The following MACIR variants were observed in gnomAD, a reference collection of about 807,000 sequenced individuals.
The protein encoded by MACIR is UNC119-binding protein C5orf30.
Under a neutral mutation model 14.3 loss-of-function variants are expected in MACIR, and 4 were observed. That is an observed-to-expected ratio of 0.28 (90% CI 0.14 to 0.64). The LOEUF is 0.64. Ranked by LOEUF, MACIR falls within the 30% of genes least tolerant of loss-of-function variation. The pLI is 0.83. For missense variants in MACIR, 228 were observed against 257.6 expected, an observed-to-expected ratio of 0.89 and a Z score of 0.79; for synonymous variants, 101 against 102.4, an observed-to-expected ratio of 0.99 and a Z score of 0.08.
rs750436475 is a variant in MACIR at position 103,265,996 on chromosome 5, T to C, written c.-25T>C. ...CAGTGACATCTTCTGGGATTTAGTC[T>C]GGTAAGTTATATTTTGCTTTTTCCG... On this transcript the variant is annotated splice_region_variant and 5_prime_UTR_variant, in exon 2 of 3. Coordinates refer to ENST00000319933, the MANE Select transcript of MACIR (RefSeq NM_033211.4). 2.3e-4 allele frequency: 35 copies of C among 152,270 alleles called. No individual in the cohort carries two copies. Among genetic ancestry groups the C allele is most frequent in the Non-Finnish European group, 4.1e-4 (28 of 67,986 alleles). 9.4% of individuals were successfully genotyped at this position (152,270 alleles called of 1,614,324 possible).
At chr5:103,274,586 G>A (rs935010551) in intron 2 of MACIR, among the ~76,000 whole-genome samples, 4 of 151,110 alleles carry the variant, frequency 2.6e-5, no homozygotes, top group African/African-American at 9.7e-5. Context: ...AGGACAGCGT[G>A]GTATCTGGTA....
intron 1 of MACIR, among the ~76,000 whole-genome samples, chr5:103,261,565 T>G (rs1327758441): frequency 1.3e-5 from 2 of 151,894 alleles, no homozygotes; most frequent in Non-Finnish European, 1.5e-5. Context: ...AAAATTGATG[T>G]TTTTTTTCCA....
intron 2 of MACIR, among the ~76,000 whole-genome samples, chr5:103,266,619 A>G (rs1209464511): frequency 6.6e-6 from 1 of 152,126 alleles, no homozygotes; most frequent in Admixed American, 6.6e-5. Flanking sequence ...TTTGAAGGGA[A>G]AAAAGAAATT....
chr5:103,275,999 G>T lies in MACIR; in HGVS notation c.80G>T (p.Gly27Val). The change falls in exon 3 of 3, where the codon GGA (glycine) becomes GTA (valine). Residue 27 changes from glycine to valine, a missense_variant. Coordinates refer to ENST00000319933, the MANE Select transcript of MACIR (RefSeq NM_033211.4). Reference protein sequence around the residue: ...PFPGAEANSPGKAEAEKPRCS... With the variant: ...PFPGAEANSPVKAEAEKPRCS... ...CCTGGGGCTGAGGCCAACTCCCCGG[G>T]AAAGGCGGAGGCAGAGAAGCCCCGC... is the stretch of plus-strand genomic sequence containing the variant. 1 of 1,614,096 alleles carries T rather than the reference G, an allele frequency of 6.2e-7. No homozygotes were observed. Among genetic ancestry groups the T allele is most frequent in the Non-Finnish European group, 8.5e-7 (1 of 1,180,034 alleles).
intron 1 of MACIR, chr5:103,259,404 C>T (rs1554235977): frequency 6.6e-6 from 1 of 152,134 alleles, no homozygotes; most frequent in East Asian, 1.9e-4. Context: ...CGCGTTGGCG[C>T]GCACGCTCGC....
chr5:103,272,376 T>TTTTC (rs1554237189), intron 2 of MACIR, among the ~76,000 whole-genome samples: 19 of 150,914 alleles, frequency 1.3e-4, no homozygotes, highest in Admixed American at 2.0e-4. Context: ...TTTTTTTTTT[T>TTTTC]CCAGAATTCT....
chr5:103,265,282 T>G (rs1332395920), intron 1 of MACIR, among the ~76,000 whole-genome samples: 4 of 152,188 alleles, frequency 2.6e-5, no homozygotes, highest in Admixed American at 2.0e-4. Flanking sequence ...TTTACATTGT[T>G]GCTGCTTTAT....
chr5:103,267,130 A>G (rs1182917248), intron 2 of MACIR, among the ~76,000 whole-genome samples: 1 of 152,188 alleles, frequency 6.6e-6, no homozygotes, highest in East Asian at 1.9e-4. Context: ...GTATATACCT[A>G]TATTTATACA....
At chr5:103,274,943 T>A (rs1805265765) in intron 2 of MACIR, among the ~76,000 whole-genome samples, 1 of 152,190 alleles carries the variant, frequency 6.6e-6, no homozygotes. Flanking sequence ...ATTTGATCTA[T>A]CTGTAGCTTT....
intron 1 of MACIR, among the ~76,000 whole-genome samples, chr5:103,261,642 CTTTCTT>C (rs1804692369): frequency 3.5e-5 from 1 of 28,960 alleles, no homozygotes; most frequent in African/African-American, 1.9e-4. Context: ...TTTTCTTTTT[CTTTCTT>C]TCTTTCTTTC....
chr5:103,274,656 T>A (rs1045638900), intron 2 of MACIR, among the ~76,000 whole-genome samples: 1 of 149,948 alleles, frequency 6.7e-6, no homozygotes, highest in Non-Finnish European at 1.5e-5. Flanking sequence ...AAAGTGCTGT[T>A]TTTTTTTTTT....
Position 103,276,237 on chromosome 5 carries a change from G to T in MACIR, c.318G>T (p.Leu106Phe). The T allele has an allele frequency of 6.2e-7, 1 of 1,613,166 alleles. No homozygotes were observed. The highest frequency in any genetic ancestry group is 8.5e-7 in the Non-Finnish European group (1 of 1,179,854). The change falls in exon 3 of 3, where the codon TTG (leucine) becomes TTT (phenylalanine). Residue 106 changes from leucine to phenylalanine, a missense_variant. Physicochemically the swap from Leu to Phe is conservative, Grantham distance 22. Transcript: ENST00000319933. ...LDAGLARSSRLYKTRSRYYQP... is the reference protein window; with the variant it reads ...LDAGLARSSRFYKTRSRYYQP... The stretch of plus-strand genomic sequence containing the variant: ...CAGGACTTGCCCGTTCCTCTCGTTT[G>T]TATAAAACCAGAAGTAGGTACTACC...
rs925171632 is a variant in MACIR at position 103,276,724 on chromosome 5, G to T, written c.*184G>T. ...AATGAAATCACAGGTACTTGGGGGG[G>T]GGATATCATTCTAGAGCACGCAACT... On this transcript the variant is annotated 3_prime_UTR_variant, in exon 3 of 3. Coordinates refer to ENST00000319933, the MANE Select transcript of MACIR (RefSeq NM_033211.4). 15 of 510,146 alleles carry T rather than the reference G, an allele frequency of 2.9e-5. No individual in the cohort carries two copies. Among genetic ancestry groups the T allele is most frequent in the Admixed American group, 1.1e-4 (3 of 26,944 alleles). The allele number at this position is 510,146 out of a possible 1,614,324, so 31.6% of individuals were successfully genotyped here.
At chr5:103,272,363 C>CTT (rs11450687) in intron 2 of MACIR, among the ~76,000 whole-genome samples, 2,003 of 142,858 alleles carry the variant, frequency 0.014, 24 homozygotes, top group African/African-American at 0.028. Flanking sequence ...TCTTTAGTGT[C>CTT]TTTTTTTTTT....
intron 1 of MACIR, among the ~76,000 whole-genome samples, chr5:103,262,858 G>C (rs1554236416): frequency 6.6e-6 from 1 of 152,112 alleles, no homozygotes; most frequent in African/African-American, 2.4e-5. Context: ...AATTTCACAT[G>C]GATTCCTTTT....
intron 1 of MACIR, among the ~76,000 whole-genome samples, chr5:103,264,657 TTC>T (rs1309297542): frequency 6.6e-6 from 1 of 152,106 alleles, no homozygotes; most frequent in African/African-American, 2.4e-5. Context: ...AAGGGAGTGT[TTC>T]TGTTATCTAC....
chr5:103,259,013 C>A (rs1210023543), intron 1 of MACIR, 117 bp downstream of exon 1: 1 of 152,580 alleles, frequency 6.6e-6, no homozygotes, highest in Non-Finnish European at 1.5e-5. Context: ...CAGTGCCAGC[C>A]CTAATCGCGG....
chr5:103,263,054 T>C (rs1026936584), intron 1 of MACIR, among the ~76,000 whole-genome samples: 3 of 152,220 alleles, frequency 2.0e-5, no homozygotes, highest in Admixed American at 2.0e-4. Flanking sequence ...TTAATTGTTA[T>C]AAGTGGGAGA....
chr5:103,261,670 C>CTTTCTTTCTTTCTTTCTTTCTTTCTTTCT (rs1804711411), intron 1 of MACIR, among the ~76,000 whole-genome samples: 2 of 124,952 alleles, frequency 1.6e-5, no homozygotes, highest in Non-Finnish European at 3.4e-5. Context: ...TTCTTTCTTT[C>CTTTCTTTCTTTCTTTCTTTCTTTCTTTCT]TTTCTTTCTT....
Sources: gnomAD v4.1 joint callset for allele counts (sites outside exome capture counted in the v4.1 genomes callset) on GRCh38, gnomAD v4.1.1 for gene constraint, MANE v1.5 for transcripts, NCBI Gene and HGNC (gene_info 2026-07-23, HGNC 2026-07-21) for gene names.